CSMD1: variants seen among roughly 807,000 people sequenced by gnomAD.
CSMD1 encodes CUB and Sushi multiple domains 1.
CSMD1 carries 213 observed loss-of-function variants against 417.5 expected under a neutral mutation model. The observed-to-expected ratio is 0.51, with a 90% CI of 0.46 to 0.57. The LOEUF is 0.57. CSMD1 is among the 20% of genes least tolerant of loss of function. The pLI is 0.00. For synonymous variants in CSMD1, 2,862 were observed against 1,736.8 expected, an observed-to-expected ratio of 1.65 and a Z score of -16.11; for missense variants, 6,923 against 4,529.7, an observed-to-expected ratio of 1.53 and a Z score of -15.17.
At chr8:3,093,427 G>A (rs1408515311) in intron 47 of CSMD1, among the ~76,000 whole-genome samples, 2 of 152,198 alleles carry the variant, frequency 1.3e-5, no homozygotes, top group East Asian at 1.9e-4. Flanking sequence ...AGCGCTTTGG[G>A]AGGTAGAGGC....
intron 3 of CSMD1, among the ~76,000 whole-genome samples, chr8:4,314,116 A>T (rs2128880411): frequency 6.6e-6 from 1 of 152,166 alleles, no homozygotes; most frequent in South Asian, 2.1e-4. Flanking sequence ...TGATACCACC[A>T]TGTATCCGAC....
chr8:4,902,319 C>G (rs144215642), intron 1 of CSMD1, among the ~76,000 whole-genome samples: 2,717 of 151,784 alleles, frequency 0.018, 39 homozygotes, highest in Non-Finnish European at 0.026. Flanking sequence ...CGCCTCTAGT[C>G]CCAGCCACTC....
At chr8:3,198,502 C>G (rs1585630430) in intron 33 of CSMD1, among the ~76,000 whole-genome samples, 2 of 152,276 alleles carry the variant, frequency 1.3e-5, no homozygotes, top group East Asian at 1.9e-4. Context: ...AAAGGTGTAA[C>G]TTATAACAAT....
intron 52 of CSMD1, among the ~76,000 whole-genome samples, chr8:3,006,538 G>A (rs1019387095): frequency 1.3e-5 from 2 of 152,084 alleles, no homozygotes; most frequent in Non-Finnish European, 2.9e-5. Flanking sequence ...CAAGGCTACA[G>A]TAACCAAAAC....
chr8:3,846,412 A>T (rs1585083122), intron 5 of CSMD1, among the ~76,000 whole-genome samples: 1 of 151,864 alleles, frequency 6.6e-6, no homozygotes, highest in Non-Finnish European at 1.5e-5. Flanking sequence ...AACATATGTA[A>T]GTTTTGATTA....
intron 6 of CSMD1, among the ~76,000 whole-genome samples, chr8:3,712,964 G>A (rs1483633068): frequency 6.6e-6 from 1 of 152,070 alleles, no homozygotes; most frequent in Admixed American, 6.5e-5. Flanking sequence ...AATGTATTGT[G>A]TGCTTCAAAG....
At chr8:4,224,760 C>G (rs752897251) in intron 3 of CSMD1, among the ~76,000 whole-genome samples, 2 of 152,148 alleles carry the variant, frequency 1.3e-5, no homozygotes, top group African/African-American at 4.8e-5. Context: ...ATAGTATTAA[C>G]CTGTAGTACT....
intron 3 of CSMD1, among the ~76,000 whole-genome samples, chr8:4,217,661 A>C (rs1353122010): frequency 3.3e-5 from 5 of 151,826 alleles, no homozygotes; most frequent in Non-Finnish European, 7.4e-5. Flanking sequence ...CTCATCAGAA[A>C]AAAAAAAAAA....
rs572565157 is a variant in CSMD1, at chr8:3,343,589, T to C, written c.3475-139A>G. On this transcript the variant is annotated intron_variant, in intron 22 of 69. Transcript: ENST00000635120. ...GGCATATAGTTTACAGAAAGATAAA[T>C]GAAGGACTTAGAGCTAAATCATATT... 146 of 719,908 alleles carry C rather than the reference T, an allele frequency of 2.0e-4. 1 individual carries two copies. Among genetic ancestry groups the C allele is most frequent in the Admixed American group, 7.8e-4 (24 of 30,672 alleles). 44.6% of individuals were successfully genotyped at this position (719,908 alleles called of 1,614,324 possible).
Position 3,359,223 on chromosome 8 carries a change from T to A in CSMD1, c.3233A>T (p.Glu1078Val). 6.2e-7 allele frequency: 1 copy of A among 1,613,820 alleles called. No homozygotes were observed. Residue 1078 changes from glutamate to valine, a missense_variant, in exon 21 of 70, where the codon GAA (glutamate) becomes GTA (valine). Transcript: ENST00000635120. ...CAGGCAGGTAAGCTTGGTGGCACCTTCTAAACGATATCCCAGGAAGCAGGA... is the reference window on the plus strand; with the variant it reads ...CAGGCAGGTAAGCTTGGTGGCACCTACTAAACGATATCCCAGGAAGCAGGA... ...TFSCFLGYRLEGATKLTCLGG... is the reference protein window; with the variant it reads ...TFSCFLGYRLVGATKLTCLGG...
intron 10 of CSMD1, among the ~76,000 whole-genome samples, chr8:3,528,434 T>C (rs543347163): frequency 6.6e-6 from 1 of 152,218 alleles, no homozygotes. Flanking sequence ...TATGCAAGTC[T>C]AGCCATGCCT....
At chr8:4,935,727 T>A (rs1807570857) in intron 1 of CSMD1, among the ~76,000 whole-genome samples, 1 of 152,300 alleles carries the variant, frequency 6.6e-6, no homozygotes, top group East Asian at 1.9e-4. Flanking sequence ...TGCAGGCATT[T>A]TGATAGAAGA....
intron 5 of CSMD1, among the ~76,000 whole-genome samples, chr8:3,936,105 A>G (rs1331200540): frequency 2.6e-5 from 4 of 151,982 alleles, no homozygotes; most frequent in Non-Finnish European, 4.4e-5. Context: ...CCAAAGCCTA[A>G]CTCTCTGAAG....
chr8:3,563,607 C>G (rs1173909453), intron 10 of CSMD1, among the ~76,000 whole-genome samples: 11 of 151,982 alleles, frequency 7.2e-5, no homozygotes, highest in Admixed American at 6.6e-4. Context: ...ATTTTTTAAC[C>G]TGGCCTGGCA....
chr8:4,178,201 A>G (rs1368679533), intron 3 of CSMD1, among the ~76,000 whole-genome samples: 4 of 152,194 alleles, frequency 2.6e-5, no homozygotes, highest in African/African-American at 9.7e-5. Context: ...GGCAGACCGA[A>G]TCCAGCAGCA....
intron 2 of CSMD1, among the ~76,000 whole-genome samples, chr8:4,627,126 T>G (rs903524973): frequency 6.6e-6 from 1 of 152,144 alleles, no homozygotes; most frequent in African/African-American, 2.4e-5. Flanking sequence ...ACTATACATT[T>G]CAATATTTCA....
At chr8:3,332,389 T>C (rs557973428) in intron 23 of CSMD1, among the ~76,000 whole-genome samples, 2 of 152,312 alleles carry the variant, frequency 1.3e-5, no homozygotes, top group South Asian at 2.1e-4. Flanking sequence ...TCTCTGAGTC[T>C]CTCCAGGTGG....
intron 10 of CSMD1, among the ~76,000 whole-genome samples, chr8:3,553,628 A>G (rs972601780): frequency 5.9e-5 from 9 of 152,206 alleles, no homozygotes; most frequent in African/African-American, 2.2e-4. Context: ...ATTGCTAATG[A>G]CAGTAAAATC....
At chr8:4,326,374 G>A (rs537616351) in intron 3 of CSMD1, among the ~76,000 whole-genome samples, 4 of 152,252 alleles carry the variant, frequency 2.6e-5, no homozygotes, top group South Asian at 2.1e-4. Context: ...TCACCAATGT[G>A]GCGAGAGGCA....
Sources: allele counts gnomAD v4.1 joint callset (sites outside exome capture counted in the v4.1 genomes callset), GRCh38; gene constraint gnomAD v4.1.1; transcripts MANE v1.5; gene names NCBI Gene and HGNC (gene_info 2026-07-23, HGNC 2026-07-21).